Variants in CNOT4 observed in about 807,000 individuals in gnomAD.
CNOT4 encodes CCR4-NOT transcription complex subunit 4, also known as CCR4-associated factor 4.
In CNOT4, 8 loss-of-function variants were observed where a neutral mutation model predicts 73.8. The ratio of observed to expected loss-of-function variants is 0.11; its 90% confidence interval spans 0.06 to 0.20. The LOEUF (loss-of-function observed/expected upper bound fraction) is 0.20. Ranked by LOEUF, CNOT4 falls within the 10% of genes least tolerant of loss-of-function variation. The pLI, the probability that CNOT4 is intolerant of heterozygous loss-of-function variation, is 1.00. For missense variants in CNOT4, 564 were observed against 883.4 expected, an observed-to-expected ratio of 0.64 and a Z score of 4.58; for synonymous variants, 293 against 321.1, an observed-to-expected ratio of 0.91 and a Z score of 0.94.
intron 1 of CNOT4, among the ~76,000 whole-genome samples, chr7:135,483,634 CAA>C (rs199987065): frequency 0.011 from 1,693 of 151,874 alleles, 18 homozygotes; most frequent in Non-Finnish European, 0.019. Flanking sequence ...GACCAGCCTG[CAA>C]AACATGAGGA....
intron 2 of CNOT4, among the ~76,000 whole-genome samples, chr7:135,429,567 A>G (rs1798697767): frequency 6.6e-6 from 1 of 152,164 alleles, no homozygotes; most frequent in African/African-American, 2.4e-5. Flanking sequence ...TCCCCTCATC[A>G]AACATCCCGA....
intron 1 of CNOT4, among the ~76,000 whole-genome samples, chr7:135,481,478 C>G (rs1159986212): frequency 6.6e-6 from 1 of 152,128 alleles, no homozygotes; most frequent in African/African-American, 2.4e-5. Context: ...AAAAAGAGAA[C>G]TCTTAAACAC....
chr7:135,457,566 A>G (rs1020822791), intron 1 of CNOT4, among the ~76,000 whole-genome samples: 1 of 152,078 alleles, frequency 6.6e-6, no homozygotes, highest in African/African-American at 2.4e-5. Flanking sequence ...GGATTTTGAG[A>G]TAAGTTCTAT....
chr7:135,488,546 G>A (rs1040896996), intron 1 of CNOT4, among the ~76,000 whole-genome samples: 1 of 152,126 alleles, frequency 6.6e-6, no homozygotes, highest in Non-Finnish European at 1.5e-5. Flanking sequence ...AAAGCTAATA[G>A]TGGCTGTTAG....
rs567295177 is a variant in CNOT4 at position 135,439,958 on chromosome 7, T to A, written c.-92-1535A>T. On this transcript the variant is annotated intron_variant, in intron 1 of 11. Transcript: ENST00000541284. ...CAATTTTAAAAAATCCCAAATGATC[T>A]AGTGATCAATAAATTATTGAAGTGT... Among the ~76,000 whole-genome samples, 19 of 151,656 alleles carry A rather than the reference T, an allele frequency of 1.3e-4. 1 individual carries two copies. The South Asian group carries it at 4.0e-3, about 32-fold the overall frequency.
At chr7:135,383,176 A>G (rs1474954068) in intron 10 of CNOT4, among the ~76,000 whole-genome samples, 5 of 152,268 alleles carry the variant, frequency 3.3e-5, no homozygotes, top group Admixed American at 2.6e-4. Context: ...ACCTAATCCA[A>G]CTATGTAAGA....
intron 10 of CNOT4, among the ~76,000 whole-genome samples, chr7:135,378,360 C>T (rs984626178): frequency 5.9e-5 from 9 of 151,896 alleles, no homozygotes; most frequent in African/African-American, 1.7e-4. Context: ...AAAAATTAGC[C>T]AGGCATGGTG....
At chr7:135,391,045 T>C (rs766126895) in intron 10 of CNOT4, among the ~76,000 whole-genome samples, 3 of 152,020 alleles carry the variant, frequency 2.0e-5, no homozygotes, top group Non-Finnish European at 4.4e-5. Context: ...TCAACTCAGG[T>C]GCAAGTGAGT....
intron 1 of CNOT4, among the ~76,000 whole-genome samples, chr7:135,459,180 G>A (rs1800724050): frequency 6.6e-6 from 1 of 152,004 alleles, no homozygotes; most frequent in Admixed American, 6.6e-5. Flanking sequence ...GGTCACCAGG[G>A]CAATGCACAG....
chr7:135,448,001 G>A (rs1158529510), intron 1 of CNOT4, among the ~76,000 whole-genome samples: 1 of 152,114 alleles, frequency 6.6e-6, no homozygotes, highest in Non-Finnish European at 1.5e-5. Context: ...AACACTGTCA[G>A]CCCAACACTG....
chr7:135,455,873 C>A (rs1442125753), intron 1 of CNOT4, among the ~76,000 whole-genome samples: 1 of 151,926 alleles, frequency 6.6e-6, no homozygotes, highest in Non-Finnish European at 1.5e-5. Context: ...CTCAAAAAAA[C>A]AAACAAACAA....
chr7:135,421,837 T>C (rs1798211043), intron 3 of CNOT4, among the ~76,000 whole-genome samples: 2 of 152,162 alleles, frequency 1.3e-5, no homozygotes, highest in Admixed American at 1.3e-4. Context: ...AGAAACAGAG[T>C]ATTCATATCA....
chr7:135,421,510 T>C (rs372326086), intron 3 of CNOT4, among the ~76,000 whole-genome samples: 2 of 152,272 alleles, frequency 1.3e-5, no homozygotes, highest in African/African-American at 4.8e-5. Context: ...AAGGAAAGTA[T>C]GAGTTCGACA....
intron 1 of CNOT4, among the ~76,000 whole-genome samples, chr7:135,453,048 T>TA (rs1800277575): frequency 6.6e-6 from 1 of 152,188 alleles, no homozygotes. Flanking sequence ...TGATAGGGTA[T>TA]AACACCTTTG....
intron 1 of CNOT4, among the ~76,000 whole-genome samples, chr7:135,485,026 G>A (rs1378534104): frequency 6.6e-6 from 1 of 152,100 alleles, no homozygotes; most frequent in Non-Finnish European, 1.5e-5. Context: ...TCCCCAAATT[G>A]ATGTATAGTA....
At chr7:135,385,659 A>C (rs1259225133) in intron 10 of CNOT4, among the ~76,000 whole-genome samples, 3 of 152,222 alleles carry the variant, frequency 2.0e-5, no homozygotes, top group Non-Finnish European at 4.4e-5. Flanking sequence ...CCTCCAAATT[A>C]TCATAAATTT....
In CNOT4 at chr7:135,364,783, A is replaced by G. The variant is rs901560520; in HGVS notation, c.1628-717T>C. Among the ~76,000 whole-genome samples the G allele has an allele frequency of 1.3e-5, 2 of 152,184 alleles. No individual in the cohort carries two copies. Among genetic ancestry groups the G allele is most frequent in the Admixed American group, 1.3e-4 (2 of 15,270 alleles). ...CGGAGTCCTACAGTTTTCTGGGTCTATTTATGAATAGTATCAAACATGAGA... is the reference window on the plus strand; with the variant it reads ...CGGAGTCCTACAGTTTTCTGGGTCTGTTTATGAATAGTATCAAACATGAGA... On this transcript the variant is annotated intron_variant, in intron 10 of 11. Transcript: ENST00000541284. This position sits in a 1 kb window ranked among gnomAD's most constrained non-coding sequence, Gnocchi z 4.3.
chr7:135,416,874 C>A (rs919335050), intron 3 of CNOT4, among the ~76,000 whole-genome samples: 2 of 152,200 alleles, frequency 1.3e-5, no homozygotes, highest in South Asian at 4.2e-4. Flanking sequence ...TCAGGCTAGC[C>A]CCGTACAACA....
intron 1 of CNOT4, among the ~76,000 whole-genome samples, chr7:135,454,075 G>T (rs1800370537): frequency 6.7e-6 from 1 of 149,568 alleles, no homozygotes; most frequent in Non-Finnish European, 1.5e-5. Flanking sequence ...ACTTTTAAGG[G>T]GTCTAAAATA....
Sources: allele counts gnomAD v4.1 joint callset (sites outside exome capture counted in the v4.1 genomes callset), GRCh38; gene constraint gnomAD v4.1.1; non-coding constraint Gnocchi (gnomAD v3.1); transcripts MANE v1.5; gene names NCBI Gene and HGNC (gene_info 2026-07-23, HGNC 2026-07-21).